Variants in CHRNG observed in about 807,000 individuals in gnomAD.
CHRNG encodes cholinergic receptor nicotinic gamma subunit.
A neutral mutation model predicts 65.2 loss-of-function variants in CHRNG; 72 were observed. The observed-to-expected ratio is 1.10, with a 90% CI of 0.91 to 1.34. CHRNG has a LOEUF of 1.34. Among genes scored for constraint, CHRNG ranks in the 40% most tolerant of loss-of-function variants. The probability of loss-of-function intolerance (pLI) is 0.00; values close to 1 mark genes in which losing one functional copy is unlikely to be tolerated. For synonymous variants in CHRNG, 284 were observed against 290.2 expected (o/e 0.98, Z 0.22); for missense variants, 637 against 680.1 (o/e 0.94, Z 0.70).
rs1050572995 is a variant in CHRNG, at chr2:232,543,536, G to A, written c.921-49G>A. ...GGGGGGGCAGCCACTAAGCGTGGGG[G>A]TGGCATCATGGTATGGGCTGCCAGC... On this transcript the variant is annotated intron_variant, in intron 8 of 11. Transcript: ENST00000651502. The A allele has an allele frequency of 5.2e-6, 7 of 1,333,646 alleles. No individual in the cohort carries two copies. In the African/African-American group the frequency reaches 7.2e-5, roughly 14 times the overall value. The allele number at this position is 1,333,646 out of a possible 1,614,324, so 82.6% of individuals were successfully genotyped here.
Position 232,541,631 on chromosome 2 carries a change from G to A in CHRNG, c.506+102G>A. On this transcript the variant is annotated intron_variant, in intron 5 of 11. Coordinates refer to ENST00000651502, the MANE Select transcript of CHRNG (RefSeq NM_005199.5). The surrounding 1 kb of genome is among the most constrained non-coding windows in gnomAD (Gnocchi z 4.0). ...AAGGCTTCTGGCCTTGGCTCTGGCA[G>A]CACCTAGAGGCCTGGCTCCATCTCC... 1 of 1,397,790 alleles carries A rather than the reference G, an allele frequency of 7.2e-7. No individual in the cohort carries two copies. Among genetic ancestry groups the A allele is most frequent in the Non-Finnish European group, 1.0e-6 (1 of 997,570 alleles). The allele number at this position is 1,397,790 out of a possible 1,614,324, so 86.6% of individuals were successfully genotyped here.
Position 232,541,922 on chromosome 2 carries a change from G to A in CHRNG, c.506+393G>A, listed in dbSNP as rs958025820. ...GAGAGGGGCCCTGGCAGGGAATCCA[G>A]CGGAAGCATGTATGCAACCAAGCCA... On this transcript the variant is annotated intron_variant, in intron 5 of 11. Coordinates refer to ENST00000651502, the MANE Select transcript of CHRNG (RefSeq NM_005199.5). This position sits in a 1 kb window ranked among gnomAD's most constrained non-coding sequence, Gnocchi z 4.0. The A allele has an allele frequency of 1.4e-5, 5 of 347,454 alleles. No individual in the cohort carries two copies. The highest frequency in any genetic ancestry group is 2.7e-5 in the Non-Finnish European group (5 of 182,838). 21.5% of individuals were successfully genotyped at this position (347,454 alleles called of 1,614,324 possible).
chr2:232,545,229 C>A (rs1022079147), intron 11 of CHRNG, among the ~76,000 whole-genome samples: 11 of 151,900 alleles, frequency 7.2e-5, no homozygotes, highest in Non-Finnish European at 1.3e-4. Context: ...ATTGCTTGAA[C>A]CTGGGAGGCG....
rs1480806739 is a variant in CHRNG, at chr2:232,546,834, C to G, written c.*1118C>G. 2.0e-5 allele frequency among the ~76,000 whole-genome samples: 3 copies of G among 152,172 alleles called. No homozygotes were observed. Among genetic ancestry groups the G allele is most frequent in the African/African-American group, 7.2e-5 (3 of 41,436 alleles). On this transcript the variant is annotated 3_prime_UTR_variant, in exon 12 of 12. Transcript: ENST00000651502. ...TCTACGGCCTGAAAAACAGGCCCTT[C>G]TTCCCAAAGGATGGTTAAGACAAGG... is the stretch of plus-strand genomic sequence containing the variant.
chr2:232,543,232 G>A (rs757262184), intron 7 of CHRNG, 43 bp from the exon 8 acceptor site: 5 of 1,563,174 alleles, frequency 3.2e-6, no homozygotes, highest in East Asian at 2.2e-5. Context: ...CTGTGGGTGG[G>A]GGAGGTAGGA....
In CHRNG at chr2:232,541,697, G is replaced by A. The variant is rs1692019983; in HGVS notation, c.506+168G>A. Reference sequence around the variant, plus strand: ...CCATCTCAGGCTAAGACACCTGAAGGTGCCCAAGCTCTCCCTGCTAAGCCC... The same window carrying A: ...CCATCTCAGGCTAAGACACCTGAAGATGCCCAAGCTCTCCCTGCTAAGCCC... On this transcript the variant is annotated intron_variant, in intron 5 of 11. Coordinates refer to ENST00000651502, the MANE Select transcript of CHRNG (RefSeq NM_005199.5). The surrounding 1 kb of genome is among the most constrained non-coding windows in gnomAD (Gnocchi z 4.0). 1 of 780,774 alleles carries A rather than the reference G, an allele frequency of 1.3e-6. No individual in the cohort carries two copies. Among genetic ancestry groups the A allele is most frequent in the African/African-American group, 1.7e-5 (1 of 58,372 alleles). The allele number at this position is 780,774 out of a possible 1,614,324, so 48.4% of individuals were successfully genotyped here.
rs56755137 is a variant in CHRNG, at chr2:232,543,206, G to A, written c.806-69G>A. 2.0e-3 allele frequency: 3,080 copies of A among 1,526,112 alleles called. 52 individuals are homozygous for A. The African/African-American group carries it at 0.038, about 19-fold the overall frequency. The allele number at this position is 1,526,112 out of a possible 1,614,324, so 94.5% of individuals were successfully genotyped here. On this transcript the variant is annotated intron_variant, in intron 7 of 11. Transcript: ENST00000651502. ...AGGACAGAGGCAGCGGGCTACTTCT[G>A]GGGTAAGGGGTTCCTCTGTGGGTGG...
rs755562229 is a variant in CHRNG at position 232,541,381 on chromosome 2, G to C, written c.358G>C (p.Gly120Arg). 14 of 1,613,948 alleles carry C rather than the reference G, an allele frequency of 8.7e-6. No individual in the cohort carries two copies. Among genetic ancestry groups the C allele is most frequent in the African/African-American group, 1.3e-5 (1 of 74,892 alleles). Residue 120 changes from glycine (G) to arginine (R), a missense_variant, in exon 5 of 12, where the codon GGT becomes CGT. Transcript: ENST00000651502. This position sits in a 1 kb window ranked among gnomAD's most constrained non-coding sequence, Gnocchi z 4.0. ...PDIVLENNVD[G>R]VFEVALYCNV... ...CCTGTTCTGTGCATACAGCGTGGAC[G>C]GTGTCTTCGAGGTGGCCCTCTACTG...
rs577754250 is a variant in CHRNG, at chr2:232,543,732, G to T, written c.1035+33G>T. The T allele has an allele frequency of 3.1e-6, 4 of 1,303,436 alleles. No individual in the cohort carries two copies. In the South Asian group the frequency reaches 4.7e-5, roughly 15 times the overall value. The allele number at this position is 1,303,436 out of a possible 1,614,324, so 80.7% of individuals were successfully genotyped here. A position where few individuals can be genotyped will look rare whatever the true frequency, so the allele number is the denominator to read the frequency against. ...CCCTCCCTGCCCACTTCAACATCCC[G>T]CTGCCCACTCCCCTACGCCTCCCTC... On this transcript the variant is annotated intron_variant, in intron 9 of 11. Transcript: ENST00000651502.
Position 232,545,735 on chromosome 2 carries a change from G to GGCATGTGGGAGTCAC in CHRNG, c.*20_*34dup. 1 of 1,613,806 alleles carries GGCATGTGGGAGTCAC rather than the reference G, an allele frequency of 6.2e-7. No individual in the cohort carries two copies. Among genetic ancestry groups the GGCATGTGGGAGTCAC allele is most frequent in the Middle Eastern group, 1.6e-4 (1 of 6,062 alleles). ...AGACTGAGCCAACCAACCACTGTGGGGCATGTGGGAGTCACACACGTGGGT... is the reference window on the plus strand; with the variant it reads ...AGACTGAGCCAACCAACCACTGTGGGGCATGTGGGAGTCACGCATGTGGGAGTCACACACGTGGGT... On this transcript the variant is annotated 3_prime_UTR_variant, in exon 12 of 12. Transcript: ENST00000651502.
chr2:232,540,660 T>C lies in CHRNG; in HGVS notation c.299T>C (p.Leu100Pro). The part of the protein sequence containing the change: ...DPRDYEGLWV[L>P]RVPSTMVWRP... ...CGAGACTACGAAGGCCTGTGGGTGC[T>C]GAGGGTGCCGTCCACCATGGTGTGG... Residue 100 changes from leucine (L) to proline (P), a missense_variant, in exon 4 of 12, where the codon CTG becomes CCG. By Grantham distance (98) the Leu-to-Pro change is moderately conservative. Transcript: ENST00000651502. The surrounding 1 kb of genome is among the most constrained non-coding windows in gnomAD (Gnocchi z 4.2). The C allele has an allele frequency of 6.2e-7, 1 of 1,613,170 alleles. No homozygotes were observed. The highest frequency in any genetic ancestry group is 8.5e-7 in the Non-Finnish European group (1 of 1,179,970).
rs574437641 is a variant in CHRNG at position 232,543,481 on chromosome 2, C to CCCA, written c.920+94_920+95insACC. 8.8e-5 allele frequency: 87 copies of CCCA among 984,920 alleles called. No individual in the cohort carries two copies. In the African/African-American group the frequency reaches 2.1e-3, roughly 24 times the overall value. 61.0% of individuals were successfully genotyped at this position (984,920 alleles called of 1,614,324 possible). A position where few individuals can be genotyped will look rare whatever the true frequency, so the allele number is the denominator to read the frequency against. On this transcript the variant is annotated intron_variant, in intron 8 of 11. Coordinates refer to ENST00000651502, the MANE Select transcript of CHRNG (RefSeq NM_005199.5). The stretch of plus-strand genomic sequence containing the variant: ...GCATTGCCCTCTTGCCCTCCATCCA[C>CCCA]CCCCCCCATCCTCAATTCAGGAGGC...
In CHRNG at chr2:232,546,352, TTTG is replaced by T. The variant is rs1692135948; in HGVS notation, c.*639_*641del. The T allele has an allele frequency of 6.4e-6, 1 of 156,694 alleles. No homozygotes were observed. The highest frequency in any genetic ancestry group is 1.4e-5 in the Non-Finnish European group (1 of 71,228). The allele number at this position is 156,694 out of a possible 1,614,324, so 9.7% of individuals were successfully genotyped here. A position where few individuals can be genotyped will look rare whatever the true frequency, so the allele number is the denominator to read the frequency against. On this transcript the variant is annotated 3_prime_UTR_variant, in exon 12 of 12. Coordinates refer to ENST00000651502, the MANE Select transcript of CHRNG (RefSeq NM_005199.5). ...TTAGTTTTTGATGTGTTGTTGTTGT[TTTG>T]TTTAGTTTTGAGATAGAGCCTCACT...
chr2:232,539,908 C>G lies in CHRNG; in HGVS notation c.56-84C>G, dbSNP rs544064309. ...TTGGGGCCTGCCCTGGACCCAGTTC[C>G]CTGAGTCCCCACTTCACACCCCCAG... On this transcript the variant is annotated intron_variant, in intron 1 of 11. Transcript: ENST00000651502. The G allele has an allele frequency of 4.5e-5, 73 of 1,608,184 alleles. 1 individual carries two copies. Among genetic ancestry groups the G allele is most frequent in the Middle Eastern group, 1.8e-4 (1 of 5,408 alleles).
chr2:232,545,951 G>A lies in CHRNG; in HGVS notation c.*235G>A, dbSNP rs1692125893. 1 of 621,910 alleles carries A rather than the reference G, an allele frequency of 1.6e-6. No individual in the cohort carries two copies. The highest frequency in any genetic ancestry group is 2.9e-6 in the Non-Finnish European group (1 of 341,732). The allele number at this position is 621,910 out of a possible 1,614,324, so 38.5% of individuals were successfully genotyped here. A position where few individuals can be genotyped will look rare whatever the true frequency, so the allele number is the denominator to read the frequency against. On this transcript the variant is annotated 3_prime_UTR_variant, in exon 12 of 12. Coordinates refer to ENST00000651502, the MANE Select transcript of CHRNG (RefSeq NM_005199.5). ...TGCAGTCAGCACACACGTGGGATTGGCTAGCTCATCCTGGCACCAGCCACC... is the reference window on the plus strand; with the variant it reads ...TGCAGTCAGCACACACGTGGGATTGACTAGCTCATCCTGGCACCAGCCACC...
Position 232,540,060 on chromosome 2 carries a change from C to A in CHRNG, c.124C>A (p.Arg42=), listed in dbSNP as rs770466863. ...GATGCAAAACTACGACCCCAACCTG[C>A]GGCCCGCGGAACGAGACTCGGATGT... ...DLMQNYDPNL[R]PAERDSDVVN... Residue 42 remains arginine, a synonymous_variant, in exon 2 of 12, where the codon CGG becomes AGG. Transcript: ENST00000651502. The surrounding 1 kb of genome is among the most constrained non-coding windows in gnomAD (Gnocchi z 4.2). 6.2e-7 allele frequency: 1 copy of A among 1,614,218 alleles called. No homozygotes were observed. The highest frequency in any genetic ancestry group is 1.1e-5 in the South Asian group (1 of 91,088).
intron 11 of CHRNG, 120 bp from the exon 12 acceptor site, chr2:232,545,423 A>G: frequency 1.1e-6 from 1 of 920,608 alleles, no homozygotes; most frequent in Non-Finnish European, 1.7e-6. Context: ...ACCCGGACAT[A>G]GGTAAGAAGG....
Position 232,545,408 on chromosome 2 carries a change from T to C in CHRNG, c.1381-135T>C, listed in dbSNP as rs529796860. 4.8e-4 allele frequency: 389 copies of C among 817,968 alleles called. No homozygotes were observed. The Middle Eastern group carries it at 7.1e-3, about 15-fold the overall frequency. The allele number at this position is 817,968 out of a possible 1,614,324, so 50.7% of individuals were successfully genotyped here. On this transcript the variant is annotated intron_variant, in intron 11 of 11. Transcript: ENST00000651502. ...AGGGGGCCATGGAATTAGCCACCAG[T>C]TGGGACCCGGACATAGGTAAGAAGG...
intron 11 of CHRNG, 44 bp downstream of exon 11, chr2:232,544,946 G>T: frequency 6.2e-7 from 1 of 1,612,562 alleles, no homozygotes; most frequent in Non-Finnish European, 8.5e-7. Flanking sequence ...GAGTACCTGG[G>T]CTTGGAACCG....
Sources: allele counts gnomAD v4.1 joint callset (sites outside exome capture counted in the v4.1 genomes callset), GRCh38; gene constraint gnomAD v4.1.1; non-coding constraint Gnocchi (gnomAD v3.1); transcripts MANE v1.5; gene names NCBI Gene and HGNC (gene_info 2026-07-23, HGNC 2026-07-21).